The following DCC variants were observed in gnomAD, a reference collection of about 807,000 sequenced individuals.
DCC encodes DCC netrin 1 receptor.
Under a neutral mutation model 172.5 loss-of-function variants are expected in DCC, and 58 were observed. The observed-to-expected ratio is 0.34, with a 90% CI of 0.27 to 0.42. The LOEUF (loss-of-function observed/expected upper bound fraction) is 0.42. DCC is among the 10% of genes least tolerant of loss of function. The pLI is 1.00. For missense variants in DCC, 1,740 were observed against 1,791.0 expected, an observed-to-expected ratio of 0.97 and a Z score of 0.51; for synonymous variants, 709 against 644.5, an observed-to-expected ratio of 1.10 and a Z score of -1.52.
intron 1 of DCC, among the ~76,000 whole-genome samples, chr18:52,344,643 C>T (rs762884589): frequency 5.0e-4 from 73 of 145,354 alleles, no homozygotes; most frequent in South Asian, 2.2e-4. Context: ...TTACCTGGTG[C>T]GGCATGTTTA....
chr18:52,739,188 C>T (rs1384114762), intron 1 of DCC, among the ~76,000 whole-genome samples: 2 of 152,162 alleles, frequency 1.3e-5, no homozygotes, highest in African/African-American at 2.4e-5. Context: ...TACATGCAGT[C>T]CGTCATTAAC....
intron 5 of DCC, among the ~76,000 whole-genome samples, chr18:53,017,236 G>A (rs1341843410): frequency 6.6e-6 from 1 of 151,946 alleles, no homozygotes; most frequent in Admixed American, 6.6e-5. Context: ...CCAAAGTTGG[G>A]TGAAGGGTTT....
intron 1 of DCC, among the ~76,000 whole-genome samples, chr18:52,748,065 A>G (rs565093767): frequency 2.0e-5 from 3 of 152,250 alleles, no homozygotes; most frequent in East Asian, 1.9e-4. Flanking sequence ...CACGCCCACC[A>G]TAGGCGTGCC....
chr18:52,957,045 TTC>T (rs1005001832), intron 5 of DCC, among the ~76,000 whole-genome samples: 5 of 152,124 alleles, frequency 3.3e-5, no homozygotes, highest in African/African-American at 1.2e-4. Context: ...CAGCAGACAA[TTC>T]TCTCAACACT....
In DCC at chr18:53,402,389, CAAAA is replaced by C. The variant is rs201731473; in HGVS notation, c.2828-385_2828-382del. Reference sequence around the variant, plus strand: ...TAGGTAACAGAGCAAGACCCTGTCTCAAAAAAAAAAAAAAATAAATAAATAAATA... The same window carrying C: ...TAGGTAACAGAGCAAGACCCTGTCTCAAAAAAAAAAATAAATAAATAAATA... On this transcript the variant is annotated intron_variant, in intron 18 of 28. Coordinates refer to ENST00000442544, the MANE Select transcript of DCC (RefSeq NM_005215.4). Among the ~76,000 whole-genome samples the C allele has an allele frequency of 7.8e-3, 1,043 of 133,224 alleles. 17 individuals carry two copies. Among genetic ancestry groups the C allele is most frequent in the Admixed American group, 0.029 (390 of 13,328 alleles). The allele number at this position is 133,224 out of a possible 152,430, so 87.4% of individuals were successfully genotyped here.
chr18:52,503,909 C>A (rs1415722994), intron 1 of DCC, among the ~76,000 whole-genome samples: 1 of 152,134 alleles, frequency 6.6e-6, no homozygotes, highest in Non-Finnish European at 1.5e-5. Context: ...GACTCTACTG[C>A]ACCCTTCTCT....
chr18:52,480,999 A>G (rs1357169574), intron 1 of DCC, among the ~76,000 whole-genome samples: 2 of 152,124 alleles, frequency 1.3e-5, no homozygotes, highest in Non-Finnish European at 2.9e-5. Context: ...CATCTTAGAG[A>G]TTAAATGAAA....
chr18:52,861,235 G>A (rs1469207830), intron 2 of DCC, among the ~76,000 whole-genome samples: 2 of 152,104 alleles, frequency 1.3e-5, no homozygotes, highest in African/African-American at 4.8e-5. Context: ...TACTTGCAAG[G>A]TCAGGAACCT....
In DCC at chr18:52,576,111, T is replaced by TAATC. The variant is rs570151185; in HGVS notation, c.92-175941_92-175938dup. On this transcript the variant is annotated intron_variant, in intron 1 of 28. Transcript: ENST00000442544. ...CGGCATGAGGTTTAAAAAGATCAGT[T>TAATC]AATCATCTTCATGGCAGGCAAATTT... 7.6e-4 allele frequency among the ~76,000 whole-genome samples: 115 copies of TAATC among 152,314 alleles called. 1 individual carries two copies. Among genetic ancestry groups the TAATC allele is most frequent in the South Asian group, 1.2e-3 (6 of 4,832 alleles).
chr18:53,199,191 A>G (rs1311586152), intron 9 of DCC, among the ~76,000 whole-genome samples: 3 of 151,750 alleles, frequency 2.0e-5, no homozygotes, highest in African/African-American at 7.3e-5. Context: ...TCAGGGATCA[A>G]GGGATTATCC....
chr18:53,141,040 A>C (rs934593385), intron 7 of DCC, among the ~76,000 whole-genome samples: 2 of 152,136 alleles, frequency 1.3e-5, no homozygotes, highest in African/African-American at 4.8e-5. Context: ...CACATCCCTA[A>C]ATTTTGCAGT....
chr18:53,133,275 G>C (rs1330506284), intron 7 of DCC, among the ~76,000 whole-genome samples: 2 of 152,188 alleles, frequency 1.3e-5, no homozygotes, highest in Non-Finnish European at 2.9e-5. Context: ...AGCTGCTCCA[G>C]ATATAAAACT....
intron 2 of DCC, among the ~76,000 whole-genome samples, chr18:52,827,028 A>G (rs879712628): frequency 2.0e-5 from 3 of 152,208 alleles, no homozygotes; most frequent in Non-Finnish European, 4.4e-5. Flanking sequence ...CACATAGGTT[A>G]TATACAAATA....
intron 5 of DCC, among the ~76,000 whole-genome samples, chr18:52,933,415 T>G (rs1222778224): frequency 4.1e-4 from 48 of 116,914 alleles, no homozygotes; most frequent in Admixed American, 9.0e-4. Flanking sequence ...GGGGAGGGAG[T>G]GGTGAGGGGA....
At chr18:53,215,465 C>T in intron 11 of DCC, 83 bp from the exon 12 acceptor site, 1 of 1,133,402 alleles carries the variant, frequency 8.8e-7, no homozygotes, top group Non-Finnish European at 1.3e-6. Context: ...TAAACAAAAC[C>T]ACACTCTCTT....
At chr18:52,783,173 TTATA>T (rs1446173277) in intron 2 of DCC, among the ~76,000 whole-genome samples, 5 of 151,996 alleles carry the variant, frequency 3.3e-5, no homozygotes, top group Admixed American at 6.6e-5. Flanking sequence ...GAAATTCAAT[TTATA>T]TAAGCTGTCA....
At chr18:53,512,007 G>T (rs1038726076) in intron 27 of DCC, among the ~76,000 whole-genome samples, 2 of 152,162 alleles carry the variant, frequency 1.3e-5, no homozygotes, top group East Asian at 1.9e-4. Flanking sequence ...TCCACCTCTG[G>T]GGGCAGGGCA....
At chr18:52,989,266 T>C (rs1053795671) in intron 5 of DCC, among the ~76,000 whole-genome samples, 3 of 152,214 alleles carry the variant, frequency 2.0e-5, no homozygotes, top group Non-Finnish European at 2.9e-5. Context: ...CTCACACCTG[T>C]AATCCCAGCA....
intron 1 of DCC, among the ~76,000 whole-genome samples, chr18:52,461,915 C>T (rs1988642210): frequency 6.6e-6 from 1 of 152,174 alleles, no homozygotes; most frequent in African/African-American, 2.4e-5. Flanking sequence ...TGTCCAAAAC[C>T]CAGCGCCTTA....
Sources: gnomAD v4.1 joint callset for allele counts (sites outside exome capture counted in the v4.1 genomes callset) on GRCh38, gnomAD v4.1.1 for gene constraint, MANE v1.5 for transcripts, NCBI Gene and HGNC (gene_info 2026-07-23, HGNC 2026-07-21) for gene names.